The following TRHDE variants were observed in gnomAD, a reference collection of about 807,000 sequenced individuals.
TRHDE encodes thyrotropin releasing hormone degrading enzyme.
In TRHDE, 72 loss-of-function variants were observed where a neutral mutation model predicts 125.7. The ratio of observed to expected loss-of-function variants is 0.57; its 90% CI spans 0.47 to 0.70. TRHDE has a LOEUF of 0.70. Ranked by LOEUF, TRHDE falls within the 30% of genes least tolerant of loss-of-function variation. TRHDE has a pLI of 0.00. For missense variants in TRHDE, 1,110 were observed against 1,327.1 expected (o/e 0.84, Z 2.54); for synonymous variants, 509 against 509.1 (o/e 1.00, Z 0.00).
At position 72,522,012 on chromosome 12, in the gene TRHDE, C is replaced by T. The variant is rs558804006; in HGVS notation, c.1723-20279C>T. ...TTAACATGTATATAATACTATGTAC[C>T]AGATACTTTTGTGTATGTTTTTTAC... On this transcript the variant is annotated intron_variant, in intron 6 of 18. Transcript: ENST00000261180. Among the ~76,000 whole-genome samples the T allele has an allele frequency of 1.4e-4, 22 of 152,238 alleles. No individual in the cohort carries two copies. In the South Asian group the frequency reaches 3.9e-3, roughly 27 times the overall value.
At chr12:72,182,583 C>T (rs1487344437) in intron 2 of TRHDE, among the ~76,000 whole-genome samples, 1 of 152,196 alleles carries the variant, frequency 6.6e-6, no homozygotes, top group African/African-American at 2.4e-5. Flanking sequence ...CAGACCTCCC[C>T]TTATCCACTC....
At chr12:72,640,819 T>A (rs1874026268) in intron 15 of TRHDE, among the ~76,000 whole-genome samples, 1 of 152,172 alleles carries the variant, frequency 6.6e-6, no homozygotes, top group Non-Finnish European at 1.5e-5. Flanking sequence ...AGGCAAACAA[T>A]CCTTCAAATG....
At position 72,096,323 on chromosome 12, in the gene TRHDE, C is replaced by T. The variant is rs111694507; in HGVS notation, n.174+8884C>T. Reference sequence around the variant, plus strand: ...TGTGCTATTATTTATTTCCTTTGTCCGCTGCAAACACAAAGAGGCTTCTCT... The same window carrying T: ...TGTGCTATTATTTATTTCCTTTGTCTGCTGCAAACACAAAGAGGCTTCTCT... On this transcript the variant is annotated intron_variant and non_coding_transcript_variant, in intron 1 of 4. Coordinates refer to the TRHDE transcript ENST00000548156. Among the ~76,000 whole-genome samples, 1,160 of 151,714 alleles carry T rather than the reference C, an allele frequency of 7.6e-3. 19 individuals carry two copies. The highest frequency in any genetic ancestry group is 0.027 in the African/African-American group (1,111 of 41,450).
intron 16 of TRHDE, 122 bp from the exon 17 acceptor site, chr12:72,652,894 T>G: frequency 1.6e-6 from 1 of 619,798 alleles, no homozygotes. Context: ...TTTGCATTAT[T>G]AAAGATTGCA....
At chr12:72,482,952 A>T in intron 5 of TRHDE, among the ~76,000 whole-genome samples, 1 of 119,714 alleles carries the variant, frequency 8.4e-6, no homozygotes, top group African/African-American at 4.9e-5. Flanking sequence ...GACAGGACAT[A>T]TAACTTACAG....
intron 6 of TRHDE, among the ~76,000 whole-genome samples, chr12:72,530,739 T>A (rs1279854557): frequency 6.6e-6 from 1 of 151,908 alleles, no homozygotes; most frequent in Non-Finnish European, 1.5e-5. Flanking sequence ...CCATGTCAAT[T>A]TATTAAAGAA....
chr12:72,286,188 C>T (rs1285288945), intron 1 of TRHDE, among the ~76,000 whole-genome samples: 1 of 152,184 alleles, frequency 6.6e-6, no homozygotes, highest in East Asian at 1.9e-4. Context: ...TCTCAAAATC[C>T]TTTTTCTGAA....
chr12:72,095,795 C>A (rs1280584343), intron 1 of TRHDE, among the ~76,000 whole-genome samples: 1 of 152,160 alleles, frequency 6.6e-6, no homozygotes, highest in Non-Finnish European at 1.5e-5. Context: ...CTTGGCTGGA[C>A]TGCAGGTCCG....
chr12:72,505,806 G>A (rs1878332884), intron 6 of TRHDE, among the ~76,000 whole-genome samples: 1 of 152,104 alleles, frequency 6.6e-6, no homozygotes, highest in Non-Finnish European at 1.5e-5. Context: ...AAGTCAACAT[G>A]TGAAATTTCT....
At chr12:72,635,111 C>T (rs1312261028) in intron 15 of TRHDE, among the ~76,000 whole-genome samples, 3 of 150,030 alleles carry the variant, frequency 2.0e-5, no homozygotes, top group Admixed American at 2.0e-4. Context: ...AGTTTACAGT[C>T]CCACCAACAG....
At chr12:72,191,270 C>T (rs1325507100) in intron 2 of TRHDE, among the ~76,000 whole-genome samples, 1 of 152,104 alleles carries the variant, frequency 6.6e-6, no homozygotes, top group Non-Finnish European at 1.5e-5. Context: ...CAGTGGCTTC[C>T]TGATCCTACA....
At chr12:72,480,933 C>T (rs1392619996) in intron 5 of TRHDE, among the ~76,000 whole-genome samples, 1 of 152,030 alleles carries the variant, frequency 6.6e-6, no homozygotes, top group African/African-American at 2.4e-5. Context: ...TATTTTATCT[C>T]TCCTTCTCAC....
chr12:72,277,740 A>G (rs1879540719), intron 1 of TRHDE, among the ~76,000 whole-genome samples: 1 of 152,124 alleles, frequency 6.6e-6, no homozygotes, highest in Non-Finnish European at 1.5e-5. Flanking sequence ...AATCTATGCA[A>G]TTGGTGTTTG....
At chr12:72,372,140 C>A (rs1241001681) in intron 2 of TRHDE, among the ~76,000 whole-genome samples, 2 of 152,082 alleles carry the variant, frequency 1.3e-5, no homozygotes, top group Non-Finnish European at 2.9e-5. Flanking sequence ...CTCTGATGGC[C>A]AGTGATGCTG....
intron 3 of TRHDE, among the ~76,000 whole-genome samples, chr12:72,387,423 G>A (rs1002104239): frequency 1.3e-5 from 2 of 151,952 alleles, no homozygotes; most frequent in African/African-American, 4.8e-5. Context: ...ATACTCTTTT[G>A]CTTTCCATTG....
intron 2 of TRHDE, among the ~76,000 whole-genome samples, chr12:72,192,666 A>G (rs946372210): frequency 3.3e-5 from 5 of 152,088 alleles, no homozygotes; most frequent in Admixed American, 1.3e-4. Context: ...TTGTTGTGGT[A>G]TGAACTTAAG....
At chr12:72,113,955 C>T (rs958824203) in intron 2 of TRHDE, among the ~76,000 whole-genome samples, 1 of 151,944 alleles carries the variant, frequency 6.6e-6, no homozygotes, top group Non-Finnish European at 1.5e-5. Context: ...TATTCCAACT[C>T]AGCTGGTTAT....
chr12:72,649,714 CA>C (rs1190807755), intron 15 of TRHDE, among the ~76,000 whole-genome samples: 1 of 151,790 alleles, frequency 6.6e-6, no homozygotes, highest in African/African-American at 2.4e-5. Context: ...AATCCAATTA[CA>C]AAAAGGGGTA....
intron 5 of TRHDE, among the ~76,000 whole-genome samples, chr12:72,492,277 C>T (rs1313846322): frequency 2.0e-5 from 3 of 151,896 alleles, no homozygotes; most frequent in Non-Finnish European, 4.4e-5. Context: ...ATTTACTAGT[C>T]AGCTAAATGG....
Sources: allele counts gnomAD v4.1 joint callset (sites outside exome capture counted in the v4.1 genomes callset), GRCh38; gene constraint gnomAD v4.1.1; transcripts MANE v1.5; gene names NCBI Gene and HGNC (gene_info 2026-07-23, HGNC 2026-07-21).